TRPM3: variants seen among roughly 807,000 people sequenced by gnomAD.
TRPM3 encodes transient receptor potential cation channel subfamily M member 3, also known as long transient receptor potential channel 3.
TRPM3 carries 77 observed loss-of-function variants against 181.2 expected under a neutral mutation model. The observed-to-expected ratio is 0.42, with a 90% CI of 0.35 to 0.51. The LOEUF (loss-of-function observed/expected upper bound fraction) is 0.51. Ranked by LOEUF, TRPM3 falls within the 20% of genes least tolerant of loss-of-function variation. The pLI, the probability that TRPM3 is intolerant of heterozygous loss-of-function variation, is 0.01. For missense variants in TRPM3, 1,759 were observed against 2,196.7 expected (o/e 0.80, Z 3.98); for synonymous variants, 745 against 796.4 (o/e 0.94, Z 1.09).
intron 1 of TRPM3, among the ~76,000 whole-genome samples, chr9:70,957,434 G>A (rs2097089974): frequency 6.6e-6 from 1 of 152,084 alleles, no homozygotes; most frequent in Non-Finnish European, 1.5e-5. Context: ...TGCTGAGAGG[G>A]GAGGTGCTCT....
chr9:71,144,350 T>G (rs2075293671), intron 1 of TRPM3, among the ~76,000 whole-genome samples: 1 of 152,304 alleles, frequency 6.6e-6, no homozygotes, highest in African/African-American at 2.4e-5. Flanking sequence ...TTAATCCTAC[T>G]TTTTGCTCAT....
chr9:71,434,151 T>A (rs778748612), intron 1 of TRPM3, among the ~76,000 whole-genome samples: 3 of 152,042 alleles, frequency 2.0e-5, no homozygotes, highest in Non-Finnish European at 1.5e-5. Context: ...AGAGCAAGAC[T>A]CTGTCTCAAA....
chr9:70,889,056 C>T (rs922295685), intron 1 of TRPM3, among the ~76,000 whole-genome samples: 39 of 152,092 alleles, frequency 2.6e-4, no homozygotes, highest in African/African-American at 9.4e-4. Flanking sequence ...AGAGAATGTT[C>T]AAAGCTCGGG....
At chr9:71,420,060 C>A (rs1356632202) in intron 1 of TRPM3, among the ~76,000 whole-genome samples, 1 of 151,926 alleles carries the variant, frequency 6.6e-6, no homozygotes, top group East Asian at 1.9e-4. Flanking sequence ...TTCTGTTATA[C>A]CTCATTTTAA....
chr9:70,620,358 A>C lies in TRPM3; in HGVS notation c.1847T>G (p.Ile616Ser), dbSNP rs1200470936. The change falls in exon 16 of 26, where the codon ATT (isoleucine) becomes AGT (serine). Residue 616 changes from isoleucine to serine, a missense_variant. This residue lies in a region of TRPM3 where 737 missense variants were observed against 957.4 expected (regional missense o/e 0.77). Coordinates refer to ENST00000677713, the MANE Select transcript of TRPM3 (RefSeq NM_001366145.2). ...TGTCTTTCTTCCTCGCCTCAAGGGAATATCATCCTGTAATTACAGGGAAAC... is the reference window on the plus strand; with the variant it reads ...TGTCTTTCTTCCTCGCCTCAAGGGACTATCATCCTGTAATTACAGGGAAAC... ...ALKLLGMEDD[I>S]PLRRGRKTTK... The C allele has an allele frequency of 6.2e-7, 1 of 1,607,370 alleles. No homozygotes were observed. Among genetic ancestry groups the C allele is most frequent in the Non-Finnish European group, 8.5e-7 (1 of 1,174,930 alleles).
intron 1 of TRPM3, among the ~76,000 whole-genome samples, chr9:71,336,810 C>T (rs142259795): frequency 1.3e-5 from 2 of 152,276 alleles, no homozygotes; most frequent in African/African-American, 2.4e-5. Flanking sequence ...ACATCTATAA[C>T]CATCTGATCT....
intron 1 of TRPM3, among the ~76,000 whole-genome samples, chr9:71,376,348 C>T (rs558467655): frequency 2.0e-5 from 3 of 151,960 alleles, no homozygotes; most frequent in East Asian, 3.9e-4. Flanking sequence ...AAACAATTTT[C>T]CCTTGCAAGT....
At chr9:71,036,370 A>G (rs17592504) in intron 1 of TRPM3, among the ~76,000 whole-genome samples, 1,758 of 152,292 alleles carry the variant, frequency 0.012, 23 homozygotes, top group Non-Finnish European at 0.018. Flanking sequence ...CTGCCTCTTC[A>G]ATTTTCTTGA....
upstream of TRPM3, among the ~76,000 whole-genome samples, chr9:71,122,951 G>A (rs1329747): frequency 0.34 from 50,971 of 151,962 alleles, 9,196 homozygotes; most frequent in Middle Eastern, 0.47. Flanking sequence ...AAATAATAAC[G>A]GCTCACATGT....
chr9:70,813,808 T>C (rs2092402619), intron 6 of TRPM3, among the ~76,000 whole-genome samples: 1 of 152,244 alleles, frequency 6.6e-6, no homozygotes, highest in Non-Finnish European at 1.5e-5. Context: ...TCTTTGTGCT[T>C]CATTTTGTTT....
chr9:70,613,227 T>G (rs959597479), intron 18 of TRPM3, among the ~76,000 whole-genome samples: 28 of 152,232 alleles, frequency 1.8e-4, no homozygotes, highest in African/African-American at 6.0e-4. Flanking sequence ...TTCAGACATT[T>G]CCTTTGACAT....
At chr9:71,377,845 T>C (rs1453647019) in intron 1 of TRPM3, among the ~76,000 whole-genome samples, 2 of 152,098 alleles carry the variant, frequency 1.3e-5, no homozygotes, top group Admixed American at 6.6e-5. Context: ...TACTATTTTG[T>C]GTCTAGATTC....
chr9:70,749,471 C>T (rs1350269043), intron 8 of TRPM3, among the ~76,000 whole-genome samples: 1 of 152,038 alleles, frequency 6.6e-6, no homozygotes, highest in Non-Finnish European at 1.5e-5. Flanking sequence ...GCCATGAGTG[C>T]ACCAATAAAT....
intron 1 of TRPM3, among the ~76,000 whole-genome samples, chr9:71,004,543 G>A (rs2097652872): frequency 6.6e-6 from 1 of 152,240 alleles, no homozygotes; most frequent in South Asian, 2.1e-4. Context: ...CCTCCTATAT[G>A]CAGGCATCAA....
rs191810466 is a variant in TRPM3, at chr9:70,663,640, T to G, written c.1345+17866A>C. 1.3e-3 allele frequency among the ~76,000 whole-genome samples: 198 copies of G among 152,354 alleles called. 1 individual carries two copies. The highest frequency in any genetic ancestry group is 4.6e-3 in the African/African-American group (190 of 41,584). On this transcript the variant is annotated intron_variant, in intron 9 of 25. Coordinates refer to ENST00000677713, the MANE Select transcript of TRPM3 (RefSeq NM_001366145.2). ...ACTTCTACCATATTTTAAGATTGTT[T>G]TACACATCTTTAAGACTTTGTAGCA... is the stretch of plus-strand genomic sequence containing the variant.
rs764772999 is a variant in TRPM3, at chr9:70,640,742, C to T, written c.1346-82G>A. The T allele has an allele frequency of 1.7e-5, 18 of 1,070,892 alleles. No individual in the cohort carries two copies. In the Admixed American group the frequency reaches 2.7e-4, roughly 16 times the overall value. 66.3% of individuals were successfully genotyped at this position (1,070,892 alleles called of 1,614,324 possible). A position where few individuals can be genotyped will look rare whatever the true frequency, so the allele number is the denominator to read the frequency against. On this transcript the variant is annotated intron_variant, in intron 9 of 25. Transcript: ENST00000677713. ...TACACCAAGAGCGCCTGCTCCATCC[C>T]TCTGCCATTAATGCCCCTATTCCCA... is the stretch of plus-strand genomic sequence containing the variant.
chr9:71,341,674 A>G (rs982862566), intron 1 of TRPM3, among the ~76,000 whole-genome samples: 4 of 82,152 alleles, frequency 4.9e-5, no homozygotes, highest in Non-Finnish European at 7.2e-5. Flanking sequence ...ACTAGTAAAA[A>G]AAAAAAAAGA....
chr9:70,842,913 A>G, intron 5 of TRPM3, 90 bp downstream of exon 5: 2 of 1,316,058 alleles, frequency 1.5e-6, no homozygotes, highest in Admixed American at 1.9e-5. Context: ...AGAATACTAT[A>G]ATGTGCACAT....
At chr9:70,813,869 T>A (rs1431933858) in intron 6 of TRPM3, among the ~76,000 whole-genome samples, 1 of 152,218 alleles carries the variant, frequency 6.6e-6, no homozygotes, top group Admixed American at 6.5e-5. Flanking sequence ...TCATAAGAAC[T>A]AAATCAGTTA....
Sources: allele counts gnomAD v4.1 joint callset (sites outside exome capture counted in the v4.1 genomes callset), GRCh38; gene constraint gnomAD v4.1.1; regional missense constraint gnomAD v4.1.1; transcripts MANE v1.5; gene names NCBI Gene and HGNC (gene_info 2026-07-23, HGNC 2026-07-21).